Variants in CDH12 observed in about 807,000 individuals in gnomAD.
CDH12 encodes the protein cadherin 12.
CDH12 carries 41 observed loss-of-function variants against 74.1 expected under a neutral mutation model. That is an observed-to-expected ratio of 0.55 (90% confidence interval 0.43 to 0.72). The LOEUF (loss-of-function observed/expected upper bound fraction) is 0.72. Among genes scored for constraint, CDH12 ranks in the 30% least tolerant of loss-of-function variants. CDH12 has a pLI of 0.00. For missense variants in CDH12, 945 were observed against 977.2 expected (o/e 0.97, Z 0.44); for synonymous variants, 399 against 355.0 (o/e 1.12, Z -1.39).
chr5:22,328,846 T>G (rs1389028659), intron 3 of CDH12, among the ~76,000 whole-genome samples: 1 of 152,138 alleles, frequency 6.6e-6, no homozygotes, highest in Admixed American at 6.5e-5. Flanking sequence ...TATAGTCAGG[T>G]GTTGAGATGT....
intron 8 of CDH12, among the ~76,000 whole-genome samples, chr5:21,818,369 A>C (rs1748181116): frequency 6.6e-6 from 1 of 151,996 alleles, no homozygotes; most frequent in African/African-American, 2.4e-5. Context: ...TTTCTCCAAG[A>C]AGGTGTGAGA....
intron 5 of CDH12, among the ~76,000 whole-genome samples, chr5:22,009,900 C>T (rs1294623200): frequency 7.4e-6 from 1 of 135,054 alleles, no homozygotes. Context: ...ATTGCTTGAA[C>T]CTGGGAGGCA....
intron 1 of CDH12, among the ~76,000 whole-genome samples, chr5:22,755,275 A>G (rs2127043017): frequency 6.6e-6 from 1 of 152,284 alleles, no homozygotes; most frequent in South Asian, 2.1e-4. Flanking sequence ...TGTCACATTC[A>G]CTACTTTTTA....
chr5:22,309,229 G>T (rs1172791748), intron 3 of CDH12, among the ~76,000 whole-genome samples: 3 of 152,158 alleles, frequency 2.0e-5, no homozygotes, highest in African/African-American at 7.2e-5. Context: ...TAAGGTTGTT[G>T]TGTAAACCTA....
intron 3 of CDH12, among the ~76,000 whole-genome samples, chr5:22,342,786 C>T (rs1348545088): frequency 1.4e-5 from 2 of 141,624 alleles, no homozygotes; most frequent in African/African-American, 5.1e-5. Flanking sequence ...TCCTTCCTTC[C>T]CTCCCTCCCT....
chr5:22,603,619 C>T (rs1177068948), intron 1 of CDH12, among the ~76,000 whole-genome samples: 2 of 151,806 alleles, frequency 1.3e-5, no homozygotes, highest in Non-Finnish European at 1.5e-5. Flanking sequence ...ACTCAGAAGG[C>T]AAGGAAAGAA....
At chr5:22,737,414 T>A (rs975768733) in intron 1 of CDH12, among the ~76,000 whole-genome samples, 2 of 151,984 alleles carry the variant, frequency 1.3e-5, no homozygotes, top group African/African-American at 2.4e-5. Context: ...TTAGTTTCAT[T>A]TCAGAAACAC....
chr5:21,796,476 T>A (rs1053092607), intron 10 of CDH12, among the ~76,000 whole-genome samples: 1 of 152,026 alleles, frequency 6.6e-6, no homozygotes, highest in Non-Finnish European at 1.5e-5. Flanking sequence ...CATTGTAAGA[T>A]GAATCTTTAT....
chr5:21,760,496 C>A, intron 13 of CDH12, 62 bp downstream of exon 13: 1 of 801,496 alleles, frequency 1.2e-6, no homozygotes, highest in East Asian at 2.5e-5. Flanking sequence ...ATTGATTCCT[C>A]CCTTTGTGCC....
chr5:22,573,883 T>C (rs1210594831), intron 1 of CDH12, among the ~76,000 whole-genome samples: 2 of 152,050 alleles, frequency 1.3e-5, no homozygotes, highest in Non-Finnish European at 2.9e-5. Context: ...TCTAACCTGC[T>C]GAAACAGAGT....
chr5:22,231,321 A>ATT (rs1228581942), intron 3 of CDH12, among the ~76,000 whole-genome samples: 1 of 152,116 alleles, frequency 6.6e-6, no homozygotes, highest in African/African-American at 2.4e-5. Context: ...GGAGTGAGAT[A>ATT]TTATTAAGCA....
chr5:21,901,450 T>C lies in CDH12; in HGVS notation c.527-46660A>G, dbSNP rs79240278. On this transcript the variant is annotated intron_variant, in intron 6 of 14. Transcript: ENST00000382254. ...GCTTTGAGTTCATAATTTTCAAATA[T>C]CTTTTTTCAAAAACTTGTTGGAACT... is the stretch of plus-strand genomic sequence containing the variant. 9.8e-5 allele frequency among the ~76,000 whole-genome samples: 15 copies of C among 152,300 alleles called. No homozygotes were observed. The East Asian group carries it at 2.5e-3, about 25-fold the overall frequency.
chr5:22,836,780 T>A, intron 1 of CDH12, among the ~76,000 whole-genome samples: 1 of 152,106 alleles, frequency 6.6e-6, no homozygotes, highest in Non-Finnish European at 1.5e-5. Flanking sequence ...ACCATGTAAA[T>A]AAAGTGATCC....
At chr5:21,999,588 A>G (rs929337446) in intron 5 of CDH12, among the ~76,000 whole-genome samples, 3 of 152,072 alleles carry the variant, frequency 2.0e-5, no homozygotes, top group Non-Finnish European at 4.4e-5. Flanking sequence ...TGTTCGTGAT[A>G]AATCTGAGTA....
At chr5:22,466,613 A>G (rs549420520) in intron 2 of CDH12, among the ~76,000 whole-genome samples, 1 of 152,186 alleles carries the variant, frequency 6.6e-6, no homozygotes, top group Non-Finnish European at 1.5e-5. Flanking sequence ...ATAAACCAGA[A>G]AAAAGAGGAG....
At chr5:22,012,988 C>G (rs1468786998) in intron 5 of CDH12, among the ~76,000 whole-genome samples, 1 of 145,500 alleles carries the variant, frequency 6.9e-6, no homozygotes, top group Non-Finnish European at 1.5e-5. Flanking sequence ...GATAAATAAA[C>G]ATGGAAATTG....
chr5:22,200,503 C>T (rs138974637), intron 4 of CDH12, among the ~76,000 whole-genome samples: 2,026 of 152,210 alleles, frequency 0.013, 28 homozygotes, highest in Non-Finnish European at 0.018. Context: ...CTTTACCAAA[C>T]GTGTGTGAAC....
intron 2 of CDH12, among the ~76,000 whole-genome samples, chr5:22,412,055 C>A (rs1743191723): frequency 1.3e-5 from 2 of 151,948 alleles, no homozygotes; most frequent in Admixed American, 1.3e-4. Context: ...TATTCCTACA[C>A]CATCATAGGT....
At chr5:22,030,660 G>T (rs1738753882) in intron 5 of CDH12, among the ~76,000 whole-genome samples, 1 of 152,136 alleles carries the variant, frequency 6.6e-6, no homozygotes, top group Non-Finnish European at 1.5e-5. Context: ...ATCACTAGTT[G>T]CCTTAGCCTC....
Sources: gnomAD v4.1 joint callset for allele counts (sites outside exome capture counted in the v4.1 genomes callset) on GRCh38, gnomAD v4.1.1 for gene constraint, MANE v1.5 for transcripts, NCBI Gene and HGNC (gene_info 2026-07-23, HGNC 2026-07-21) for gene names.